Variants in ZNF638 observed in about 807,000 individuals in gnomAD.
ZNF638 encodes CTCL tumor antigen se33-1.
In ZNF638, 46 loss-of-function variants were observed where a neutral mutation model predicts 195.6. That is an observed-to-expected ratio of 0.24 (90% confidence interval 0.19 to 0.30). The LOEUF (loss-of-function observed/expected upper bound fraction) is 0.30, where lower values mean the gene tolerates loss of function less well. Among genes scored for constraint, ZNF638 ranks in the 10% least tolerant of loss-of-function variants. The probability of loss-of-function intolerance (pLI) is 1.00; values close to 1 mark genes in which losing one functional copy is unlikely to be tolerated. For missense variants in ZNF638, 2,440 were observed against 2,325.3 expected, an observed-to-expected ratio of 1.05 and a Z score of -1.01; for synonymous variants, 845 against 772.0, an observed-to-expected ratio of 1.09 and a Z score of -1.57.
At chr2:71,348,563 C>T in intron 1 of ZNF638, 190 bp from the exon 2 acceptor site, 1 of 1,189,540 alleles carries the variant, frequency 8.4e-7, no homozygotes, top group Non-Finnish European at 1.1e-6. Flanking sequence ...GGCTTGTGTT[C>T]TGCATTCAGG....
intron 10 of ZNF638, among the ~76,000 whole-genome samples, chr2:71,387,099 A>T (rs932845028): frequency 6.6e-6 from 1 of 152,154 alleles, no homozygotes; most frequent in Non-Finnish European, 1.5e-5. Context: ...AAGTTTATAT[A>T]TTATAAGAAA....
intron 14 of ZNF638, 149 bp downstream of exon 14, chr2:71,400,329 G>A (rs1172797594): frequency 3.8e-6 from 4 of 1,041,024 alleles, no homozygotes; most frequent in Non-Finnish European, 5.5e-6. Context: ...TTTTTTAAAA[G>A]CCAATGTCAC....
chr2:71,393,787 A>G (rs1573109982), intron 10 of ZNF638: 3 of 618,040 alleles, frequency 4.9e-6, no homozygotes, highest in Non-Finnish European at 8.7e-6. Flanking sequence ...CCCAGCCTCT[A>G]ATAACGTTAA....
At chr2:71,390,870 AAC>A (rs200611296) in intron 10 of ZNF638, among the ~76,000 whole-genome samples, 1,930 of 149,856 alleles carry the variant, frequency 0.013, 38 homozygotes, top group African/African-American at 0.042. Context: ...GGAGGGAAAA[AAC>A]AGTTAGCAAC....
intron 1 of ZNF638, among the ~76,000 whole-genome samples, chr2:71,336,436 A>C (rs2078671821): frequency 6.6e-6 from 1 of 151,750 alleles, no homozygotes; most frequent in African/African-American, 2.4e-5. Flanking sequence ...ACAAATTGCT[A>C]GATCTCAATA....
At chr2:71,428,043 T>A (rs760738927) in intron 24 of ZNF638, among the ~76,000 whole-genome samples, 3 of 151,950 alleles carry the variant, frequency 2.0e-5, no homozygotes, top group African/African-American at 7.3e-5. Context: ...AATTAAAAAA[T>A]GAGCCAGGCA....
At chr2:71,400,377 G>T (rs1235058963) in intron 14 of ZNF638, 101 bp from the exon 15 acceptor site, 3 of 1,193,544 alleles carry the variant, frequency 2.5e-6, no homozygotes, top group Non-Finnish European at 3.6e-6. Flanking sequence ...TAGACTTGTT[G>T]TATTACACGT....
intron 21 of ZNF638, among the ~76,000 whole-genome samples, chr2:71,419,063 A>T (rs565288837): frequency 6.6e-6 from 1 of 152,332 alleles, no homozygotes; most frequent in East Asian, 1.9e-4. Flanking sequence ...TTTTAAAAAC[A>T]ACTGGGTTGG....
intron 3 of ZNF638, chr2:71,361,523 A>G (rs2079109345): frequency 6.6e-6 from 1 of 152,250 alleles, no homozygotes; most frequent in South Asian, 2.1e-4. Flanking sequence ...CCTGGGTGGT[A>G]CAGAGCAATG....
intron 21 of ZNF638, among the ~76,000 whole-genome samples, chr2:71,419,328 C>T (rs1266777756): frequency 6.6e-6 from 1 of 152,156 alleles, no homozygotes; most frequent in African/African-American, 2.4e-5. Flanking sequence ...TCTTTTTCCT[C>T]CTGTATACTG....
intron 21 of ZNF638, among the ~76,000 whole-genome samples, chr2:71,422,153 T>C (rs185174473): frequency 2.0e-4 from 30 of 152,322 alleles, no homozygotes; most frequent in Non-Finnish European, 2.9e-4. Context: ...TATAAGACTG[T>C]ATGTTCACAT....
Position 71,349,068 on chromosome 2 carries a change from T to G in ZNF638, c.114T>G (p.Gly38=). Residue 38 remains glycine (G), a synonymous_variant, in exon 2 of 28, where the codon GGT becomes GGG. Transcript: ENST00000264447. ...CATTTATGAGGCCTGGATCTATGGG[T>G]CTCCCAAGATTTTACCCAGCAGGGA... ...PGPFMRPGSM[G]LPRFYPAGRA... The G allele has an allele frequency of 1.2e-6, 2 of 1,614,034 alleles. No individual in the cohort carries two copies. Among genetic ancestry groups the G allele is most frequent in the Non-Finnish European group, 1.7e-6 (2 of 1,180,018 alleles).
chr2:71,339,977 T>A (rs760508078), intron 1 of ZNF638, among the ~76,000 whole-genome samples: 1 of 152,182 alleles, frequency 6.6e-6, no homozygotes, highest in Non-Finnish European at 1.5e-5. Context: ...AAAAGGTATA[T>A]CTTACAATAG....
chr2:71,392,721 A>G (rs2079807617), intron 10 of ZNF638, among the ~76,000 whole-genome samples: 1 of 152,152 alleles, frequency 6.6e-6, no homozygotes, highest in Admixed American at 6.5e-5. Flanking sequence ...ACTTAACAAT[A>G]GCAGCTTACC....
intron 5 of ZNF638, 136 bp downstream of exon 5, chr2:71,364,388 A>C: frequency 1.1e-6 from 1 of 911,932 alleles, no homozygotes; most frequent in Admixed American, 3.0e-5. Context: ...CACATGCCAC[A>C]GAGTTATTCC....
chr2:71,364,938 T>C (rs2079170229), intron 5 of ZNF638, among the ~76,000 whole-genome samples: 2 of 152,236 alleles, frequency 1.3e-5, no homozygotes, highest in South Asian at 4.1e-4. Flanking sequence ...TATAAGAATT[T>C]AGGTTCTTCT....
At chr2:71,355,611 C>G (rs1042428311) in intron 2 of ZNF638, 108 bp from the exon 3 acceptor site, 7 of 804,336 alleles carry the variant, frequency 8.7e-6, no homozygotes, top group Non-Finnish European at 1.4e-5. Context: ...TTTATGAGTA[C>G]GTTTGTTTAA....
At position 71,426,496 on chromosome 2, in the gene ZNF638, A is replaced by C; in HGVS notation, c.4627A>C (p.Thr1543Pro). ...LFPFNLDEFV[T>P]VDEVIEEVNP... ...TCCATTTAATTTGGATGAATTTGTT[A>C]CTGTGGATGAGGTTATAGAAGAAGT... Residue 1543 changes from threonine (T) to proline (P), a missense_variant, in exon 24 of 28, where the codon ACT (threonine) becomes CCT (proline). Around this residue, in one of 5 missense-constraint regions of ZNF638, gnomAD observed 1,883 missense variants for 1,739.1 expected, o/e 1.08. Coordinates refer to ENST00000264447, the MANE Select transcript of ZNF638 (RefSeq NM_014497.5). 2 of 1,585,358 alleles carry C rather than the reference A, an allele frequency of 1.3e-6. No homozygotes were observed. The highest frequency in any genetic ancestry group is 1.4e-5 in the African/African-American group (1 of 73,134).
In ZNF638 at chr2:71,427,049, C is replaced by A. The variant is rs1402456636; in HGVS notation, c.5180C>A (p.Pro1727His). The A allele has an allele frequency of 6.2e-7, 1 of 1,613,816 alleles. No individual in the cohort carries two copies. The highest frequency in any genetic ancestry group is 8.5e-7 in the Non-Finnish European group (1 of 1,179,912). The change falls in exon 24 of 28, where the codon CCC (proline) becomes CAC (histidine). Residue 1727 changes from proline to histidine, a missense_variant. By Grantham distance (77) the Pro-to-His change is moderately conservative. Transcript: ENST00000264447. ...ATTGGCTTCATTTCTTCTCAGGTGC[C>A]CGAAGACCCTTCTACTTTAGTTACT... ...DSIGFISSQV[P>H]EDPSTLVTVD...
Sources: gnomAD v4.1 joint callset for allele counts (sites outside exome capture counted in the v4.1 genomes callset) on GRCh38, gnomAD v4.1.1 for gene constraint, gnomAD v4.1.1 regional missense constraint, MANE v1.5 for transcripts, NCBI Gene and HGNC (gene_info 2026-07-23, HGNC 2026-07-21) for gene names.